Variants in DOCK4 observed in about 807,000 individuals in gnomAD.
The protein encoded by DOCK4 is dedicator of cytokinesis 4, also known as dedicator of cytokinesis protein 4.
A neutral mutation model predicts 268.1 loss-of-function variants in DOCK4; 97 were observed. The ratio of observed to expected loss-of-function variants is 0.36; its 90% CI spans 0.31 to 0.43. DOCK4 has a LOEUF of 0.43. Ranked by LOEUF, DOCK4 falls within the 20% of genes least tolerant of loss-of-function variation. The pLI, the probability that DOCK4 is intolerant of heterozygous loss-of-function variation, is 1.00. For synonymous variants in DOCK4, 954 were observed against 887.2 expected, an observed-to-expected ratio of 1.08 and a Z score of -1.34; for missense variants, 2,145 against 2,455.7, an observed-to-expected ratio of 0.87 and a Z score of 2.67.
chr7:112,034,478 A>G (rs1803562784), intron 1 of DOCK4, among the ~76,000 whole-genome samples: 1 of 152,238 alleles, frequency 6.6e-6, no homozygotes, highest in South Asian at 2.1e-4. Flanking sequence ...TTATAAAGAA[A>G]GAAACAACCC....
At chr7:111,737,334 C>T (rs1795576090) in intron 49 of DOCK4, among the ~76,000 whole-genome samples, 1 of 151,872 alleles carries the variant, frequency 6.6e-6, no homozygotes, top group Non-Finnish European at 1.5e-5. Flanking sequence ...CTATATTGCC[C>T]AGGCTGGTCT....
intron 24 of DOCK4, 121 bp from the exon 25 acceptor site, chr7:111,845,018 A>T (rs1803985902): frequency 7.4e-7 from 1 of 1,345,458 alleles, no homozygotes; most frequent in African/African-American, 1.5e-5. Flanking sequence ...TAAGTGAATG[A>T]TCTCCTTTTA....
rs779198764 is a variant in DOCK4 at position 111,732,208 on chromosome 7, C to G, written c.5481+18G>C. 6 of 1,613,216 alleles carry G rather than the reference C, an allele frequency of 3.7e-6. No individual in the cohort carries two copies. In the African/African-American group the frequency reaches 6.7e-5, roughly 18 times the overall value. On this transcript the variant is annotated intron_variant, in intron 52 of 52. Transcript: ENST00000428084. The stretch of plus-strand genomic sequence containing the variant: ...AACTGGGCCAGTCTCTAGCCTCAGT[C>G]GAAAGAAGGGCCTTTACCTTCAATG...
chr7:112,101,319 T>C (rs1810657078), intron 1 of DOCK4, among the ~76,000 whole-genome samples: 1 of 152,242 alleles, frequency 6.6e-6, no homozygotes, highest in South Asian at 2.1e-4. Context: ...AAAATGTCTT[T>C]TGAATCTAGA....
intron 1 of DOCK4, among the ~76,000 whole-genome samples, chr7:112,103,099 G>A (rs1180693890): frequency 6.6e-6 from 1 of 152,136 alleles, no homozygotes; most frequent in Non-Finnish European, 1.5e-5. Flanking sequence ...TGATACTACA[G>A]AAATCACTTC....
At chr7:111,978,310 C>T (rs973372975) in intron 7 of DOCK4, among the ~76,000 whole-genome samples, 2 of 152,214 alleles carry the variant, frequency 1.3e-5, no homozygotes, top group African/African-American at 4.8e-5. Flanking sequence ...CAGCTCACTG[C>T]AGCCTCTACC....
intron 8 of DOCK4, among the ~76,000 whole-genome samples, chr7:111,973,400 C>T (rs1018492174): frequency 2.6e-4 from 40 of 151,882 alleles, no homozygotes; most frequent in Admixed American, 2.6e-3. Flanking sequence ...CTTTTGTCCA[C>T]TGATTTTAAA....
intron 24 of DOCK4, among the ~76,000 whole-genome samples, chr7:111,845,887 C>A (rs1011455775): frequency 2.0e-5 from 3 of 152,122 alleles, no homozygotes; most frequent in African/African-American, 7.2e-5. Context: ...CTAGGCATAG[C>A]ATAGTTATTC....
intron 8 of DOCK4, among the ~76,000 whole-genome samples, chr7:111,948,234 T>C (rs1467830452): frequency 6.6e-6 from 1 of 152,192 alleles, no homozygotes; most frequent in African/African-American, 2.4e-5. Context: ...CCATTTTACA[T>C]ATGGGAAAAC....
chr7:111,762,777 T>G (rs1368504389), intron 39 of DOCK4, among the ~76,000 whole-genome samples: 2 of 131,470 alleles, frequency 1.5e-5, no homozygotes, highest in African/African-American at 5.6e-5. Flanking sequence ...TTTTTTTTTT[T>G]TTTTTTTTTG....
At chr7:112,051,005 A>C (rs917259575) in intron 1 of DOCK4, among the ~76,000 whole-genome samples, 5 of 152,130 alleles carry the variant, frequency 3.3e-5, no homozygotes, top group Non-Finnish European at 7.4e-5. Context: ...CACAGTTCTA[A>C]GAGTAAAATA....
At chr7:111,728,852 G>A (rs905299991) in intron 52 of DOCK4, 132 bp from the exon 53 acceptor site, 2 of 807,318 alleles carry the variant, frequency 2.5e-6, no homozygotes, top group Non-Finnish European at 3.8e-6. Context: ...AGGAGATGCA[G>A]CCTTTAAGGA....
intron 16 of DOCK4, among the ~76,000 whole-genome samples, chr7:111,879,967 T>C (rs949402301): frequency 6.6e-6 from 1 of 152,104 alleles, no homozygotes; most frequent in African/African-American, 2.4e-5. Context: ...CTAAGAGTTA[T>C]TGGTCTTAAA....
chr7:112,095,637 T>C (rs1193697827), intron 1 of DOCK4, among the ~76,000 whole-genome samples: 3 of 152,214 alleles, frequency 2.0e-5, no homozygotes, highest in East Asian at 3.9e-4. Context: ...AGTTCATTGA[T>C]GTAGAGAAGG....
intron 12 of DOCK4, among the ~76,000 whole-genome samples, chr7:111,933,541 C>T (rs545084904): frequency 6.6e-5 from 10 of 151,780 alleles, no homozygotes; most frequent in African/African-American, 1.5e-4. Flanking sequence ...GTGATCCACC[C>T]GCCTTGGCCT....
rs551158115 is a variant in DOCK4 at position 111,857,428 on chromosome 7, T to C, written c.2473+5944A>G. Among the ~76,000 whole-genome samples the C allele has an allele frequency of 9.2e-5, 14 of 152,276 alleles. No individual in the cohort carries two copies. The South Asian group carries it at 1.9e-3, about 20-fold the overall frequency. On this transcript the variant is annotated intron_variant, in intron 23 of 52. Coordinates refer to ENST00000428084, the MANE Select transcript of DOCK4 (RefSeq NM_001363540.2). Reference sequence around the variant, plus strand: ...TCCTACCCTAAAACACTTGATTTTTTAGTCTGTAGGCAAAAGCAAGTCGTA... The same window carrying C: ...TCCTACCCTAAAACACTTGATTTTTCAGTCTGTAGGCAAAAGCAAGTCGTA...
At chr7:112,141,857 C>G (rs1326575149) in intron 1 of DOCK4, among the ~76,000 whole-genome samples, 3 of 152,130 alleles carry the variant, frequency 2.0e-5, no homozygotes, top group East Asian at 3.9e-4. Context: ...CTTCCACTTA[C>G]AGGGGACAGC....
chr7:111,736,355 G>A (rs536762671), intron 50 of DOCK4, among the ~76,000 whole-genome samples: 9 of 152,278 alleles, frequency 5.9e-5, no homozygotes, highest in Non-Finnish European at 2.9e-5. Flanking sequence ...ATCTTCTGCC[G>A]TGTTGCAGAC....
chr7:112,143,060 C>T (rs2116297728), intron 1 of DOCK4, among the ~76,000 whole-genome samples: 1 of 152,038 alleles, frequency 6.6e-6, no homozygotes, highest in Admixed American at 6.6e-5. Flanking sequence ...AAAATGCTTA[C>T]ACTGGGGGAA....
Sources: gnomAD v4.1 joint callset for allele counts (sites outside exome capture counted in the v4.1 genomes callset) on GRCh38, gnomAD v4.1.1 for gene constraint, MANE v1.5 for transcripts, NCBI Gene and HGNC (gene_info 2026-07-23, HGNC 2026-07-21) for gene names.